Variants in UGT1A7 observed in about 807,000 individuals in gnomAD.
UGT1A7 encodes the protein UDP glucuronosyltransferase family 1 member A7.
In UGT1A7, 33 loss-of-function variants were observed where a neutral mutation model predicts 45.6. The ratio of observed to expected loss-of-function variants is 0.72; its 90% CI spans 0.55 to 0.97. The LOEUF (loss-of-function observed/expected upper bound fraction) is 0.97, where lower values mean the gene tolerates loss of function less well. UGT1A7 is among the 50% of genes least tolerant of loss of function. The pLI is 0.00. For missense variants in UGT1A7, 684 were observed against 666.2 expected (o/e 1.03, Z -0.29); for synonymous variants, 274 against 250.6 (o/e 1.09, Z -0.88).
chr2:233,735,048 A>G lies in UGT1A7; in HGVS notation c.856-31986A>G, dbSNP rs536875851. On this transcript the variant is annotated intron_variant, in intron 1 of 4. Coordinates refer to ENST00000373426, the MANE Select transcript of UGT1A7 (RefSeq NM_019077.3). ...ATTAGGTCTGCTTGGTGCAGAGCTG[A>G]GTTCAGGTCCTGGATATCCTTGTTA... Among the ~76,000 whole-genome samples the G allele has an allele frequency of 3.9e-5, 6 of 152,322 alleles. No individual in the cohort carries two copies. The South Asian group carries it at 1.2e-3, about 32-fold the overall frequency.
chr2:233,772,766 C>A lies in UGT1A7; in HGVS notation c.*207C>A, dbSNP rs910513508. The A allele has an allele frequency of 8.7e-6, 12 of 1,374,468 alleles. No homozygotes were observed. Among genetic ancestry groups the A allele is most frequent in the East Asian group, 7.6e-5 (3 of 39,290 alleles). 85.1% of individuals were successfully genotyped at this position (1,374,468 alleles called of 1,614,324 possible). ...AGATATTTGAATATGTATCGTGCCC[C>A]CTCTGGTGTCTTTGATCAGGATGAC... On this transcript the variant is annotated 3_prime_UTR_variant, in exon 5 of 5. Transcript: ENST00000373426.
At chr2:233,741,540 A>G (rs1267633349) in intron 1 of UGT1A7, 14 of 152,000 alleles carry the variant, frequency 9.2e-5, no homozygotes. Context: ...TTATTCTGAT[A>G]CTTCTTTTAT....
At position 233,694,026 on chromosome 2, in the gene UGT1A7, T is replaced by G. The variant is rs45617840; in HGVS notation, c.855+11234T>G. On this transcript the variant is annotated intron_variant, in intron 1 of 4. Transcript: ENST00000373426. ...GAGCAGCGGGAACACATAGGAGACC[T>G]GAGGCTGAAGTGATACAGAGGCATT... Among the ~76,000 whole-genome samples, 569 of 152,270 alleles carry G rather than the reference T, an allele frequency of 3.7e-3. 7 individuals carry two copies. Among genetic ancestry groups the G allele is most frequent in the African/African-American group, 0.013 (545 of 41,542 alleles).
At chr2:233,747,222 A>G (rs2125883623) in intron 1 of UGT1A7, 4 of 1,605,292 alleles carry the variant, frequency 2.5e-6, no homozygotes, top group Middle Eastern at 4.1e-4. Flanking sequence ...AGATGGCCAC[A>G]GGACCCCAGG....
rs28899178 is a variant in UGT1A7, at chr2:233,702,144, C to G, written c.855+19352C>G. Among the ~76,000 whole-genome samples the G allele has an allele frequency of 8.7e-3, 1,324 of 152,238 alleles. 29 individuals carry two copies. Among genetic ancestry groups the G allele is most frequent in the African/African-American group, 0.03 (1,235 of 41,546 alleles). On this transcript the variant is annotated intron_variant, in intron 1 of 4. Transcript: ENST00000373426. ...ACATTTTCAGTCACTCCCAAAGATACCTTATATCTATTATCAGTCACTCTT... is the reference window on the plus strand; with the variant it reads ...ACATTTTCAGTCACTCCCAAAGATAGCTTATATCTATTATCAGTCACTCTT...
At chr2:233,760,450 C>T (rs1218272105) in intron 1 of UGT1A7, 1 of 1,614,084 alleles carries the variant, frequency 6.2e-7, no homozygotes, top group East Asian at 2.2e-5. Context: ...GCAGAGGGGA[C>T]ATGAAATAGT....
chr2:233,706,103 A>AT (rs1559354549), intron 1 of UGT1A7, among the ~76,000 whole-genome samples: 1 of 152,060 alleles, frequency 6.6e-6, no homozygotes, highest in African/African-American at 2.4e-5. Context: ...TTAAAAAAAA[A>AT]CCAAGAATTT....
At chr2:233,752,307 G>C (rs1030795011) in intron 1 of UGT1A7, 2 of 152,160 alleles carry the variant, frequency 1.3e-5, no homozygotes, top group African/African-American at 4.8e-5. Context: ...TTCCTTGCCC[G>C]GTGTGCTTGG....
At chr2:233,719,051 G>T in intron 1 of UGT1A7, 1 of 1,614,262 alleles carries the variant, frequency 6.2e-7, no homozygotes, top group Non-Finnish European at 8.5e-7. Context: ...TTTTCACCCT[G>T]ACAGCCTATG....
rs745537470 is a variant in UGT1A7, at chr2:233,755,045, G to A, written c.856-11989G>A. ...TGAAGGGCCTGCCGCCTGCGCAGCC[G>A]CCCTCCGCCCTCGCCTCGCCATAGC... On this transcript the variant is annotated intron_variant, in intron 1 of 4. Transcript: ENST00000373426. 1.4e-5 allele frequency: 18 copies of A among 1,325,360 alleles called. No individual in the cohort carries two copies. The East Asian group carries it at 1.4e-4, about 10-fold the overall frequency. 82.1% of individuals were successfully genotyped at this position (1,325,360 alleles called of 1,614,324 possible). A position where few individuals can be genotyped will look rare whatever the true frequency, so the allele number is the denominator to read the frequency against.
intron 4 of UGT1A7, chr2:233,771,347 C>T (rs1700292038): frequency 6.6e-6 from 1 of 152,046 alleles, no homozygotes; most frequent in South Asian, 2.1e-4. Context: ...CCTGTAGCAC[C>T]AAGGGTTGAA....
At chr2:233,750,988 G>A (rs946459693) in intron 1 of UGT1A7, among the ~76,000 whole-genome samples, 12 of 151,852 alleles carry the variant, frequency 7.9e-5, no homozygotes, top group Non-Finnish European at 1.3e-4. Context: ...GTGAGAAGGC[G>A]GCCACCATCC....
chr2:233,684,227 C>T (rs754642033), intron 1 of UGT1A7, among the ~76,000 whole-genome samples: 7 of 152,108 alleles, frequency 4.6e-5, no homozygotes, highest in East Asian at 1.9e-4. Flanking sequence ...TGCAACCAAG[C>T]GCTTTCTAAA....
Position 233,767,867 on chromosome 2 carries a change from G to A in UGT1A7, c.1006G>A (p.Gly336Arg). ...CTCCCAGGTCCTGTGGCGGTACACTGGAACCCGACCATCGAATCTTGCGAA... is the reference window on the plus strand; with the variant it reads ...CTCCCAGGTCCTGTGGCGGTACACTAGAACCCGACCATCGAATCTTGCGAA... ...IPQTVLWRYT[G>R]TRPSNLANNT... Residue 336 changes from glycine to arginine, a missense_variant, in exon 3 of 5, where the codon GGA (glycine) becomes AGA (arginine). Coordinates refer to ENST00000373426, the MANE Select transcript of UGT1A7 (RefSeq NM_019077.3). The A allele has an allele frequency of 1.2e-6, 2 of 1,614,118 alleles. No individual in the cohort carries two copies. Among genetic ancestry groups the A allele is most frequent in the Non-Finnish European group, 1.7e-6 (2 of 1,180,024 alleles).
intron 1 of UGT1A7, among the ~76,000 whole-genome samples, chr2:233,735,584 T>C (rs2078671129): frequency 6.6e-6 from 1 of 152,234 alleles, no homozygotes; most frequent in Admixed American, 6.5e-5. Context: ...GCCCGTTAAT[T>C]GATGCAGTTT....
chr2:233,735,651 G>A (rs1291646517), intron 1 of UGT1A7, among the ~76,000 whole-genome samples: 3 of 152,276 alleles, frequency 2.0e-5, no homozygotes, highest in Admixed American at 6.5e-5. Context: ...GCTGGTACTG[G>A]TGTTTCTTTC....
chr2:233,688,522 A>AGTG (rs1190898140), intron 1 of UGT1A7, among the ~76,000 whole-genome samples: 1 of 151,956 alleles, frequency 6.6e-6, no homozygotes, highest in Non-Finnish European at 1.5e-5. Flanking sequence ...ATGCGCCTAG[A>AGTG]GTGGGTTTGA....
chr2:233,760,659 G>T (rs757137518), intron 1 of UGT1A7: 3 of 1,614,230 alleles, frequency 1.9e-6, no homozygotes, highest in Non-Finnish European at 1.7e-6. Context: ...CTATGCTTTT[G>T]TCTGGCTGTT....
intron 1 of UGT1A7, among the ~76,000 whole-genome samples, chr2:233,698,126 G>T (rs753031905): frequency 2.0e-5 from 3 of 152,148 alleles, no homozygotes; most frequent in Admixed American, 1.3e-4. Flanking sequence ...GCTTGACCTT[G>T]TTTGTGTCTC....
Sources: gnomAD v4.1 joint callset for allele counts (sites outside exome capture counted in the v4.1 genomes callset) on GRCh38, gnomAD v4.1.1 for gene constraint, MANE v1.5 for transcripts, NCBI Gene and HGNC (gene_info 2026-07-23, HGNC 2026-07-21) for gene names.